The following SRGAP2C variants were observed in gnomAD, a reference collection of about 807,000 sequenced individuals.
The protein encoded by SRGAP2C is SLIT-ROBO Rho GTPase activating protein 2C.
Under a neutral mutation model 25.1 loss-of-function variants are expected in SRGAP2C, and 15 were observed. The observed-to-expected ratio is 0.60, with a 90% confidence interval of 0.40 to 0.92. SRGAP2C has a LOEUF of 0.92. SRGAP2C is among the 40% of genes least tolerant of loss of function. The pLI, the probability that SRGAP2C is intolerant of heterozygous loss-of-function variation, is 0.00. For synonymous variants in SRGAP2C, 44 were observed against 96.6 expected (o/e 0.46, Z 3.19); for missense variants, 144 against 264.4 (o/e 0.54, Z 3.16).
intron 3 of SRGAP2C, among the ~76,000 whole-genome samples, chr1:121,315,316 A>G (rs1427818195): frequency 1.3e-5 from 2 of 150,656 alleles, no homozygotes; most frequent in Non-Finnish European, 3.0e-5. Flanking sequence ...GCTTCCATTT[A>G]CTTTTTAAAA....
intron 2 of SRGAP2C, among the ~76,000 whole-genome samples, chr1:121,278,170 C>T (rs1263162481): frequency 6.6e-6 from 1 of 151,924 alleles, no homozygotes; most frequent in South Asian, 2.1e-4. Context: ...TCGTCTGGAA[C>T]TCCTGAGCTC....
chr1:121,371,265 ATCTAAGTCCTATCTTGGCTTTC>A (rs1468010453), intron 5 of SRGAP2C, among the ~76,000 whole-genome samples: 9 of 140,852 alleles, frequency 6.4e-5, no homozygotes, highest in Non-Finnish European at 1.2e-4. Context: ...AGATATATAT[ATCTAAGTCCTATCTTGGCTTTC>A]TCTAAGTCCT....
intron 2 of SRGAP2C, among the ~76,000 whole-genome samples, chr1:121,266,106 C>G (rs587604328): frequency 4.0e-4 from 60 of 151,626 alleles, no homozygotes; most frequent in African/African-American, 1.4e-3. Context: ...TCCCGAGTAG[C>G]TGGAATTACA....
chr1:121,216,073 C>T lies in SRGAP2C; in HGVS notation c.67+28560C>T, dbSNP rs1655375881. Among the ~76,000 whole-genome samples, 4 of 152,068 alleles carry T rather than the reference C, an allele frequency of 2.6e-5. No individual in the cohort carries two copies. In the South Asian group the frequency reaches 6.2e-4, roughly 24 times the overall value. Reference sequence around the variant, plus strand: ...TATGGGGAGCTTAGAAAACAGTGGGCTTCCTGTGTTTTGTCTACCAGCAAA... The same window carrying T: ...TATGGGGAGCTTAGAAAACAGTGGGTTTCCTGTGTTTTGTCTACCAGCAAA... On this transcript the variant is annotated intron_variant, in intron 2 of 9. Transcript: ENST00000367123.
At chr1:121,211,458 C>CACACACAT (rs1553323708) in intron 2 of SRGAP2C, among the ~76,000 whole-genome samples, 2,516 of 138,036 alleles carry the variant, frequency 0.018, 22 homozygotes, top group Middle Eastern at 0.023. Context: ...CACACACACA[C>CACACACAT]ACATCTTACC....
intron 2 of SRGAP2C, among the ~76,000 whole-genome samples, chr1:121,198,281 G>GTTTT (rs71278814): frequency 4.9e-4 from 69 of 142,206 alleles, no homozygotes; most frequent in African/African-American, 1.7e-3. Context: ...TATTCTCTTT[G>GTTTT]TTTTTTTTTT....
At chr1:121,284,087 T>G (rs1390458970) in intron 2 of SRGAP2C, among the ~76,000 whole-genome samples, 1 of 151,988 alleles carries the variant, frequency 6.6e-6, no homozygotes, top group African/African-American at 2.4e-5. Flanking sequence ...TCTTTCCAAG[T>G]CTTCTTAAAA....
rs1406314990 is a variant in SRGAP2C, at chr1:121,310,564, C to T, written c.261-13914C>T. On this transcript the variant is annotated intron_variant, in intron 3 of 9. Transcript: ENST00000367123. Reference sequence around the variant, plus strand: ...AGGGTTTTTATGGTTTTAGGTCTAACGGTTAAATCTTTAATCCATCTTGAA... The same window carrying T: ...AGGGTTTTTATGGTTTTAGGTCTAATGGTTAAATCTTTAATCCATCTTGAA... 1.8e-4 allele frequency among the ~76,000 whole-genome samples: 6 copies of T among 33,244 alleles called. 1 individual carries two copies. Among genetic ancestry groups the T allele is most frequent in the East Asian group, 1.8e-3 (1 of 568 alleles). 21.8% of individuals were successfully genotyped at this position (33,244 alleles called of 152,430 possible).
chr1:121,230,919 G>A (rs1655801384), intron 2 of SRGAP2C, among the ~76,000 whole-genome samples: 1 of 148,220 alleles, frequency 6.7e-6, no homozygotes. Flanking sequence ...ATTATTCTCA[G>A]CAAACTAACA....
intron 4 of SRGAP2C, among the ~76,000 whole-genome samples, chr1:121,345,870 C>T (rs1277092864): frequency 2.2e-5 from 3 of 139,304 alleles, no homozygotes; most frequent in African/African-American, 5.3e-5. Context: ...AGGCTAGTCT[C>T]GAACTCTTGA....
At chr1:121,307,130 G>GT (rs1418611169) in intron 3 of SRGAP2C, among the ~76,000 whole-genome samples, 1 of 144,040 alleles carries the variant, frequency 6.9e-6, no homozygotes, top group Non-Finnish European at 1.5e-5. Flanking sequence ...TGCCCAGCTA[G>GT]TTTTTTGTAT....
intron 3 of SRGAP2C, among the ~76,000 whole-genome samples, chr1:121,296,017 T>G (rs1657592049): frequency 6.6e-6 from 1 of 151,588 alleles, no homozygotes; most frequent in South Asian, 2.1e-4. Context: ...CACCTTGGCC[T>G]CCCAAAGTGC....
chr1:121,314,741 G>C (rs1233320573), intron 3 of SRGAP2C, among the ~76,000 whole-genome samples: 3 of 151,558 alleles, frequency 2.0e-5, no homozygotes, highest in Non-Finnish European at 4.4e-5. Flanking sequence ...GCTGCTCGGG[G>C]GTCAGGGATC....
chr1:121,347,764 CT>C (rs1433867268), intron 4 of SRGAP2C, among the ~76,000 whole-genome samples: 9 of 152,012 alleles, frequency 5.9e-5, no homozygotes, highest in Non-Finnish European at 1.2e-4. Context: ...CCTGTAGCGC[CT>C]GTGGAGAATG....
At chr1:121,264,669 T>C (rs1656720506) in intron 2 of SRGAP2C, among the ~76,000 whole-genome samples, 1 of 151,692 alleles carries the variant, frequency 6.6e-6, no homozygotes, top group African/African-American at 2.4e-5. Flanking sequence ...ATCCTTTACA[T>C]CTAGCTCCTC....
chr1:121,258,232 A>G, intron 2 of SRGAP2C, among the ~76,000 whole-genome samples: 1 of 151,430 alleles, frequency 6.6e-6, no homozygotes, highest in Non-Finnish European at 1.5e-5. Flanking sequence ...AAATAAACCT[A>G]CCTCTCTCCA....
At chr1:121,263,252 A>G (rs1207623249) in intron 2 of SRGAP2C, among the ~76,000 whole-genome samples, 4 of 150,894 alleles carry the variant, frequency 2.7e-5, no homozygotes, top group Admixed American at 1.3e-4. Context: ...TGAGCCCAGG[A>G]GGTGGAGGTT....
intron 4 of SRGAP2C, among the ~76,000 whole-genome samples, chr1:121,344,080 TTAAG>T (rs1162559189): frequency 1.4e-5 from 2 of 142,710 alleles, no homozygotes; most frequent in African/African-American, 5.1e-5. Flanking sequence ...AATTCTGTAA[TTAAG>T]TGAGGGAATT....
intron 2 of SRGAP2C, among the ~76,000 whole-genome samples, chr1:121,217,649 G>A (rs1553324948): frequency 6.6e-6 from 1 of 152,134 alleles, no homozygotes; most frequent in African/African-American, 2.4e-5. Flanking sequence ...TTCTGCTGCT[G>A]CAGACTTCTC....
Sources: allele counts gnomAD v4.1 joint callset (sites outside exome capture counted in the v4.1 genomes callset), GRCh38; gene constraint gnomAD v4.1.1; transcripts MANE v1.5; gene names NCBI Gene and HGNC (gene_info 2026-07-23, HGNC 2026-07-21).